RCBTB2: variants seen among roughly 807,000 people sequenced by gnomAD.
The protein encoded by RCBTB2 is RCC1 and BTB domain containing protein 2.
RCBTB2 carries 55 observed loss-of-function variants against 65.4 expected under a neutral mutation model. The ratio of observed to expected loss-of-function variants is 0.84; its 90% CI spans 0.68 to 1.05. RCBTB2 has a LOEUF of 1.05. Ranked by LOEUF, RCBTB2 falls within the 50% of genes least tolerant of loss-of-function variation. The pLI is 0.00. For synonymous variants in RCBTB2, 220 were observed against 255.2 expected, an observed-to-expected ratio of 0.86 and a Z score of 1.31; for missense variants, 599 against 680.1, an observed-to-expected ratio of 0.88 and a Z score of 1.33.
intron 3 of RCBTB2, among the ~76,000 whole-genome samples, 171 bp downstream of exon 3, chr13:48,522,137 A>G (rs1405488323): frequency 6.6e-6 from 1 of 152,200 alleles, no homozygotes; most frequent in Non-Finnish European, 1.5e-5. Flanking sequence ...AACTCCAAAA[A>G]TGTTTTAACT....
chr13:48,514,068 A>C (rs1950952075), intron 6 of RCBTB2, among the ~76,000 whole-genome samples: 1 of 152,272 alleles, frequency 6.6e-6, no homozygotes, highest in Non-Finnish European at 1.5e-5. Context: ...AAATCTTAAC[A>C]ACCTCAGCAT....
intron 4 of RCBTB2, among the ~76,000 whole-genome samples, chr13:48,518,017 G>A (rs1951190806): frequency 6.6e-6 from 1 of 152,216 alleles, no homozygotes; most frequent in Non-Finnish European, 1.5e-5. Context: ...TAATGCATCT[G>A]GAAGTCAAGG....
chr13:48,510,855 G>GA (rs1174523400), intron 9 of RCBTB2, 84 bp from the exon 10 acceptor site: 1,455 of 1,357,158 alleles, frequency 1.1e-3, no homozygotes, highest in Non-Finnish European at 1.2e-3. Flanking sequence ...AATCAAAAAT[G>GA]AAAAAAAAAG....
At chr13:48,511,958 G>T (rs1950821909) in intron 8 of RCBTB2, 58 bp downstream of exon 8, 1 of 1,606,678 alleles carries the variant, frequency 6.2e-7, no homozygotes. Flanking sequence ...TACCATACTG[G>T]CATGAGACTG....
chr13:48,510,772 C>A lies in RCBTB2; in HGVS notation c.784-1G>T, dbSNP rs369058000. Reference sequence around the variant, plus strand: ...ATGTGTGTGCGTAGCCACAGGCGACCTGGAAGGAAAAAAATCCACTCAGGA... The same window carrying A: ...ATGTGTGTGCGTAGCCACAGGCGACATGGAAGGAAAAAAATCCACTCAGGA... On this transcript the variant is annotated splice_acceptor_variant, in intron 9 of 14. Coordinates refer to ENST00000344532, the MANE Select transcript of RCBTB2 (RefSeq NM_001268.4). LOFTEE classifies it high-confidence loss of function. The A allele has an allele frequency of 1.9e-6, 3 of 1,608,940 alleles. No homozygotes were observed. In the African/African-American group the frequency reaches 4.0e-5, roughly 22 times the overall value.
upstream of RCBTB2, chr13:48,533,336 G>A: frequency 3.3e-6 from 1 of 302,168 alleles, no homozygotes; most frequent in South Asian, 2.5e-5. Flanking sequence ...CGCTTTTCCA[G>A]GGAGTTCCTC....
intron 4 of RCBTB2, among the ~76,000 whole-genome samples, chr13:48,516,985 C>T (rs769320682): frequency 3.9e-5 from 6 of 152,204 alleles, no homozygotes; most frequent in Non-Finnish European, 8.8e-5. Flanking sequence ...GCCTCTCTTT[C>T]CCATCAGTTA....
rs2138378806 is a variant in RCBTB2, at chr13:48,489,871, A to G, written c.*240T>C. On this transcript the variant is annotated 3_prime_UTR_variant, in exon 15 of 15. Coordinates refer to ENST00000344532, the MANE Select transcript of RCBTB2 (RefSeq NM_001268.4). ...GTGACTCAAAAAGAGGAAATGGTAA[A>G]TAAGATATTTCAATTTTTTTTCCTT... The G allele has an allele frequency of 1.9e-6, 1 of 524,716 alleles. No individual in the cohort carries two copies. Among genetic ancestry groups the G allele is most frequent in the South Asian group, 2.3e-5 (1 of 43,222 alleles). 32.5% of individuals were successfully genotyped at this position (524,716 alleles called of 1,614,324 possible).
At chr13:48,493,343 C>CTCTCTCTTT (rs1949825720) in intron 14 of RCBTB2, among the ~76,000 whole-genome samples, 1 of 75,172 alleles carries the variant, frequency 1.3e-5, no homozygotes. Context: ...TCTCTCTCTT[C>CTCTCTCTTT]TCTTCTCTCT....
At chr13:48,490,950 T>C (rs548815124) in intron 14 of RCBTB2, among the ~76,000 whole-genome samples, 2 of 152,288 alleles carry the variant, frequency 1.3e-5, no homozygotes, top group East Asian at 1.9e-4. Context: ...TTCTCTTGAT[T>C]AGAACTATAA....
rs553494427 is a variant in RCBTB2, at chr13:48,517,260, C to A, written c.43-1519G>T. Among the ~76,000 whole-genome samples, 5 of 152,320 alleles carry A rather than the reference C, an allele frequency of 3.3e-5. No individual in the cohort carries two copies. The South Asian group carries it at 1.0e-3, about 32-fold the overall frequency. ...TCTTTCACCACCATGTCATCCATCC[C>A]TTGAAAGGAGCTAACAATGCAATAC... On this transcript the variant is annotated intron_variant, in intron 4 of 14. Coordinates refer to ENST00000344532, the MANE Select transcript of RCBTB2 (RefSeq NM_001268.4).
upstream of RCBTB2, among the ~76,000 whole-genome samples, chr13:48,534,313 T>A (rs1365583153): frequency 6.6e-6 from 1 of 152,220 alleles, no homozygotes; most frequent in Non-Finnish European, 1.5e-5. Context: ...CTCACTTCAG[T>A]GATGATAGCT....
Position 48,490,023 on chromosome 13 carries a change from C to T in RCBTB2, c.*88G>A, listed in dbSNP as rs1949630895. 7.1e-7 allele frequency: 1 copy of T among 1,417,438 alleles called. No homozygotes were observed. Among genetic ancestry groups the T allele is most frequent in the Non-Finnish European group, 1.0e-6 (1 of 1,004,920 alleles). 87.8% of individuals were successfully genotyped at this position (1,417,438 alleles called of 1,614,324 possible). On this transcript the variant is annotated 3_prime_UTR_variant, in exon 15 of 15. Transcript: ENST00000344532. ...AAGTACTCAGCCAAACATAGCTCAT[C>T]ATACATACTATTAATTAAAGAGAAG...
chr13:48,508,195 C>A (rs1332121993), intron 10 of RCBTB2, among the ~76,000 whole-genome samples: 1 of 152,144 alleles, frequency 6.6e-6, no homozygotes, highest in East Asian at 1.9e-4. Context: ...CTCCGGGGTT[C>A]CCCAGGGATA....
intron 1 of RCBTB2, among the ~76,000 whole-genome samples, chr13:48,528,369 T>TCTAAAG (rs1951921934): frequency 6.6e-6 from 1 of 152,192 alleles, no homozygotes; most frequent in African/African-American, 2.4e-5. Flanking sequence ...TGAGATCAAC[T>TCTAAAG]CTAAAGCTAT....
Position 48,512,731 on chromosome 13 carries a change from C to T in RCBTB2, c.514G>A (p.Glu172Lys). 1 of 1,613,644 alleles carries T rather than the reference C, an allele frequency of 6.2e-7. No homozygotes were observed. The highest frequency in any genetic ancestry group is 8.5e-7 in the Non-Finnish European group (1 of 1,179,630). The change falls in exon 7 of 15, where the codon GAG becomes AAG. Residue 172 changes from glutamate (E) to lysine (K), a missense_variant and splice_region_variant. Transcript: ENST00000344532. The stretch of plus-strand genomic sequence containing the variant: ...AGCTTTATGCTGACTGTTCTCACCT[C>T]TCCATCAGATGTTAGCACCAAAGAA... ...YHSLVLTSDG[E>K]VFAWGYNNSG...
At chr13:48,516,169 C>A (rs1030740635) in intron 4 of RCBTB2, among the ~76,000 whole-genome samples, 1 of 152,092 alleles carries the variant, frequency 6.6e-6, no homozygotes, top group Non-Finnish European at 1.5e-5. Flanking sequence ...TGGTAAAGAA[C>A]AACGCTGAAA....
intron 3 of RCBTB2, 112 bp downstream of exon 3, chr13:48,522,196 C>G: frequency 1.3e-6 from 1 of 787,096 alleles, no homozygotes; most frequent in Non-Finnish European, 2.1e-6. Context: ...CTGCTGAGGT[C>G]TGAAAAAGTA....
At chr13:48,491,049 C>T (rs1481057577) in intron 14 of RCBTB2, among the ~76,000 whole-genome samples, 1 of 152,150 alleles carries the variant, frequency 6.6e-6, no homozygotes, top group Non-Finnish European at 1.5e-5. Context: ...GCCTCAAACC[C>T]TAGGCTACTT....
Sources: gnomAD v4.1 joint callset for allele counts (sites outside exome capture counted in the v4.1 genomes callset) on GRCh38, gnomAD v4.1.1 for gene constraint, MANE v1.5 for transcripts, NCBI Gene and HGNC (gene_info 2026-07-23, HGNC 2026-07-21) for gene names.